ADSL: variants seen among roughly 807,000 people sequenced by gnomAD.
ADSL encodes adenylosuccinase.
ADSL carries 44 observed loss-of-function variants against 62.1 expected under a neutral mutation model. The ratio of observed to expected loss-of-function variants is 0.71; its 90% CI spans 0.56 to 0.91. The LOEUF (loss-of-function observed/expected upper bound fraction) is 0.91. Ranked by LOEUF, ADSL falls within the 40% of genes least tolerant of loss-of-function variation. ADSL has a pLI of 0.00. For missense variants in ADSL, 531 were observed against 627.4 expected, an observed-to-expected ratio of 0.85 and a Z score of 1.64; for synonymous variants, 198 against 220.5, an observed-to-expected ratio of 0.90 and a Z score of 0.90.
chr22:40,370,940 G>T (rs1360255528), downstream of ADSL, among the ~76,000 whole-genome samples: 2 of 152,230 alleles, frequency 1.3e-5, no homozygotes, highest in African/African-American at 4.8e-5. Context: ...GCCCCTAGAC[G>T]GCCGAGGCCA....
At chr22:40,363,132 T>C (rs1476648755) in intron 10 of ADSL, 61 bp downstream of exon 10, 5 of 1,486,234 alleles carry the variant, frequency 3.4e-6, no homozygotes, top group Non-Finnish European at 4.7e-6. Context: ...GGAGGGAGGG[T>C]GCTCTGGGGT....
intron 2 of ADSL, among the ~76,000 whole-genome samples, chr22:40,375,014 C>T (rs578000795): frequency 6.6e-6 from 1 of 152,284 alleles, no homozygotes; most frequent in African/African-American, 2.4e-5. Flanking sequence ...TAATCACCTC[C>T]CCTTTTTGAA....
intron 7 of ADSL, 179 bp from the exon 8 acceptor site, chr22:40,361,094 G>T: frequency 4.1e-6 from 3 of 727,796 alleles, no homozygotes; most frequent in Middle Eastern, 7.2e-4. Context: ...CCAGTCCTTC[G>T]GGAACAGAGA....
chr22:40,375,713 TCTCTAGATATCTAA>T (rs1222789777), intron 2 of ADSL, among the ~76,000 whole-genome samples: 1 of 151,936 alleles, frequency 6.6e-6, no homozygotes, highest in African/African-American at 2.4e-5. Context: ...TTCTCACCCT[TCTCTAGATATCTAA>T]TTAGCCTGCA....
intron 2 of ADSL, among the ~76,000 whole-genome samples, chr22:40,377,335 A>T (rs1276037031): frequency 6.6e-6 from 1 of 152,200 alleles, no homozygotes; most frequent in Non-Finnish European, 1.5e-5. Context: ...CTTCATCACA[A>T]CCACAGGCTA....
intron 10 of ADSL, 54 bp downstream of exon 10, chr22:40,363,125 G>C (rs1418317297): frequency 6.5e-7 from 1 of 1,537,358 alleles, no homozygotes; most frequent in Non-Finnish European, 9.0e-7. Flanking sequence ...GAATGTGGGA[G>C]GGAGGGTGCT....
At chr22:40,358,744 C>T (rs2044659242) in intron 4 of ADSL, 120 bp from the exon 5 acceptor site, 4 of 872,464 alleles carry the variant, frequency 4.6e-6, no homozygotes, top group Non-Finnish European at 7.5e-6. Flanking sequence ...CAGTTACTCC[C>T]TCTCTTACTT....
At chr22:40,362,627 T>C (rs1213321951) in intron 9 of ADSL, among the ~76,000 whole-genome samples, 1 of 152,034 alleles carries the variant, frequency 6.6e-6, no homozygotes, top group African/African-American at 2.4e-5. Flanking sequence ...TATAAAGAGC[T>C]TGGTGAGTGG....
rs369400468 is a variant in ADSL, at chr22:40,359,001, G to C, written c.620G>C (p.Ser207Thr). 1 of 1,614,092 alleles carries C rather than the reference G, an allele frequency of 6.2e-7. No individual in the cohort carries two copies. Among genetic ancestry groups the C allele is most frequent in the Non-Finnish European group, 8.5e-7 (1 of 1,180,052 alleles). The change falls in exon 5 of 13, where the codon AGT becomes ACT. Residue 207 changes from serine to threonine, a missense_variant. By Grantham distance (58) the Ser-to-Thr change is moderately conservative (BLOSUM62 1). Around this residue, in one of 2 missense-constraint regions of ADSL, gnomAD observed 471 missense variants for 592.9 expected, o/e 0.79. Coordinates refer to ENST00000623063, the MANE Select transcript of ADSL (RefSeq NM_000026.4). The stretch of plus-strand genomic sequence containing the variant: ...AAGGGTACCACTGGCACTCAGGCCA[G>C]TTTCCTGCAGCTCTTTGAGGGAGAT... Reference protein sequence around the residue: ...GVKGTTGTQASFLQLFEGDDH... With the variant: ...GVKGTTGTQATFLQLFEGDDH...
intron 8 of ADSL, 54 bp from the exon 9 acceptor site, chr22:40,361,434 C>T (rs769497699): frequency 8.8e-5 from 142 of 1,613,572 alleles, no homozygotes; most frequent in Non-Finnish European, 1.2e-4. Flanking sequence ...TGCCTACTCA[C>T]TATCCTCTGA....
At chr22:40,363,432 AG>A (rs2044870869) in intron 10 of ADSL, among the ~76,000 whole-genome samples, 1 of 152,154 alleles carries the variant, frequency 6.6e-6, no homozygotes, top group South Asian at 2.1e-4. Context: ...TGTAACAAAT[AG>A]GGGTTTTAAG....
intron 2 of ADSL, chr22:40,376,261 T>TA (rs949390696): frequency 1.9e-4 from 26 of 139,016 alleles, no homozygotes; most frequent in Admixed American, 1.7e-3. Flanking sequence ...AAGTTCAACT[T>TA]ACGGCTCTGC....
intron 2 of ADSL, among the ~76,000 whole-genome samples, chr22:40,379,975 T>C (rs1010392172): frequency 6.6e-6 from 1 of 152,168 alleles, no homozygotes; most frequent in Non-Finnish European, 1.5e-5. Flanking sequence ...CCTCCTAAAG[T>C]GCTGGGATTA....
In ADSL at chr22:40,386,562, CTTTTTTT is replaced by C. The variant is rs60319316; in HGVS notation, c.90-3647_90-3641del. 1.4e-3 allele frequency among the ~76,000 whole-genome samples: 96 copies of C among 68,364 alleles called. 1 individual carries two copies. Among genetic ancestry groups the C allele is most frequent in the African/African-American group, 2.2e-3 (39 of 17,726 alleles). The allele number at this position is 68,364 out of a possible 152,430, so 44.8% of individuals were successfully genotyped here. ...TTTGACCTCTAGTCCAATTTTCTTA[CTTTTTTT>C]TTTTTTTTTTTTTTTTTTTTAATAA... is the stretch of plus-strand genomic sequence containing the variant. On this transcript the variant is annotated intron_variant, in intron 2 of 2. Transcript: ENST00000498234.
intron 8 of ADSL, 55 bp from the exon 9 acceptor site, chr22:40,361,433 A>G (rs1354376889): frequency 6.2e-7 from 1 of 1,613,542 alleles, no homozygotes; most frequent in African/African-American, 1.3e-5. Context: ...TTGCCTACTC[A>G]CTATCCTCTG....
At chr22:40,359,556 G>A (rs1452896902) in intron 6 of ADSL, among the ~76,000 whole-genome samples, 4 of 101,052 alleles carry the variant, frequency 4.0e-5, no homozygotes, top group African/African-American at 7.2e-5. Context: ...TATTGTTTTT[G>A]AGACAGGGTC....
chr22:40,367,283 C>G lies in ADSL; in HGVS notation c.*761C>G, dbSNP rs2045034398. The G allele has an allele frequency of 6.6e-6, 1 of 152,262 alleles. No individual in the cohort carries two copies. Among genetic ancestry groups the G allele is most frequent in the African/African-American group, 2.4e-5 (1 of 41,420 alleles). The allele number at this position is 152,262 out of a possible 1,614,324, so 9.4% of individuals were successfully genotyped here. On this transcript the variant is annotated 3_prime_UTR_variant, in exon 13 of 13. Coordinates refer to ENST00000623063, the MANE Select transcript of ADSL (RefSeq NM_000026.4). ...TCCCAAGTAGCTGGGATTACAGGCG[C>G]CTGCCGCCATGCCTGGCTAATTTTT... is the stretch of plus-strand genomic sequence containing the variant.
chr22:40,351,103 T>A (rs1187523788), intron 2 of ADSL, among the ~76,000 whole-genome samples: 1 of 151,916 alleles, frequency 6.6e-6, no homozygotes, highest in African/African-American at 2.4e-5. Context: ...CAAGTGATTC[T>A]CCCACCTCGG....
Position 40,346,588 on chromosome 22 carries a change from C to T in ADSL, c.30C>T (p.Pro10=), listed in dbSNP as rs776352156. MAAGGDHGS[P]DSYRSPLASR... ...CGGCTGGAGGCGATCATGGTTCGCC[C>T]GACAGCTACCGCTCACCTCTTGCCT... The change falls in exon 1 of 13, where the codon CCC becomes CCT. Residue 10 remains proline, a synonymous_variant. Coordinates refer to ENST00000623063, the MANE Select transcript of ADSL (RefSeq NM_000026.4). 2 of 1,605,964 alleles carry T rather than the reference C, an allele frequency of 1.2e-6. No homozygotes were observed. Among genetic ancestry groups the T allele is most frequent in the African/African-American group, 1.3e-5 (1 of 74,822 alleles).
Sources: allele counts gnomAD v4.1 joint callset (sites outside exome capture counted in the v4.1 genomes callset), GRCh38; gene constraint gnomAD v4.1.1; regional missense constraint gnomAD v4.1.1; transcripts MANE v1.5; gene names NCBI Gene and HGNC (gene_info 2026-07-23, HGNC 2026-07-21).